The following TMEM182 variants were observed in gnomAD, a reference collection of about 807,000 sequenced individuals.
TMEM182 encodes transmembrane protein 182.
In TMEM182, 20 loss-of-function variants were observed where a neutral mutation model predicts 26.8. The ratio of observed to expected loss-of-function variants is 0.75; its 90% CI spans 0.53 to 1.09. The LOEUF (loss-of-function observed/expected upper bound fraction) is 1.09. Among genes scored for constraint, TMEM182 ranks in the 50% least tolerant of loss-of-function variants. The pLI, the probability that TMEM182 is intolerant of heterozygous loss-of-function variation, is 0.00. For synonymous variants in TMEM182, 109 were observed against 102.2 expected (o/e 1.07, Z -0.40); for missense variants, 277 against 275.5 (o/e 1.01, Z -0.04).
intron 4 of TMEM182, among the ~76,000 whole-genome samples, chr2:102,811,500 A>G (rs1350347462): frequency 1.3e-5 from 2 of 152,330 alleles, no homozygotes; most frequent in East Asian, 3.9e-4. Flanking sequence ...AATTTTATCC[A>G]CTGGATTTAG....
In TMEM182 at chr2:102,797,938, G is replaced by A. The variant is rs768127740; in HGVS notation, c.407G>A (p.Cys136Tyr). 5 of 1,613,956 alleles carry A rather than the reference G, an allele frequency of 3.1e-6. No individual in the cohort carries two copies. Among genetic ancestry groups the A allele is most frequent in the South Asian group, 1.1e-5 (1 of 91,086 alleles). Residue 136 changes from cysteine (C) to tyrosine (Y), a missense_variant, in exon 4 of 5, where the codon TGT (cysteine) becomes TAT (tyrosine). Physicochemically the swap from Cys to Tyr is radical, Grantham distance 194. Coordinates refer to ENST00000412401, the MANE Select transcript of TMEM182 (RefSeq NM_144632.5). Reference protein sequence around the residue: ...AVVIASFLIICAAPFASHFLY... With the variant: ...AVVIASFLIIYAAPFASHFLY... Reference sequence around the variant, plus strand: ...GTCATCGCAAGCTTTTTGATCATCTGTGCAGCCCCCTTCGCCAGCCATTTT... The same window carrying A: ...GTCATCGCAAGCTTTTTGATCATCTATGCAGCCCCCTTCGCCAGCCATTTT...
chr2:102,818,211 A>G (rs2104764345), downstream of TMEM182, among the ~76,000 whole-genome samples: 1 of 152,310 alleles, frequency 6.6e-6, no homozygotes, highest in East Asian at 1.9e-4. Flanking sequence ...ACAGAAAACT[A>G]CATTTTTATT....
At chr2:102,755,586 A>G (rs1680009292) in intron 1 of TMEM182, among the ~76,000 whole-genome samples, 1 of 152,188 alleles carries the variant, frequency 6.6e-6, no homozygotes, top group South Asian at 2.1e-4. Flanking sequence ...TATATGCTTG[A>G]TATTATGAAT....
rs116709911 is a variant in TMEM182, at chr2:102,817,420, A to C, written c.*2452A>C. The C allele has an allele frequency of 4.1e-6, 4 of 985,448 alleles. No homozygotes were observed. In the East Asian group the frequency reaches 4.5e-4, roughly 112 times the overall value. 61.0% of individuals were successfully genotyped at this position (985,448 alleles called of 1,614,324 possible). A position where few individuals can be genotyped will look rare whatever the true frequency, so the allele number is the denominator to read the frequency against. On this transcript the variant is annotated 3_prime_UTR_variant, in exon 5 of 5. Transcript: ENST00000412401. ...TATGCTCTTGGACTTGGTGAAAGCTATCATCTCTCCATATTGTATTTGTTC... is the reference window on the plus strand; with the variant it reads ...TATGCTCTTGGACTTGGTGAAAGCTCTCATCTCTCCATATTGTATTTGTTC...
At chr2:102,838,365 G>A (rs1329271644) in intron 3 of TMEM182, among the ~76,000 whole-genome samples, 1 of 152,186 alleles carries the variant, frequency 6.6e-6, no homozygotes, top group Non-Finnish European at 1.5e-5. Context: ...CACAATGTGT[G>A]TAGCACATAA....
At chr2:102,785,188 T>C (rs1681338870) in intron 3 of TMEM182, among the ~76,000 whole-genome samples, 1 of 152,196 alleles carries the variant, frequency 6.6e-6, no homozygotes, top group African/African-American at 2.4e-5. Flanking sequence ...AGCTTTTCAC[T>C]GTTCTGCACC....
At chr2:102,817,807 T>C (rs1484444832), downstream of TMEM182, 1 of 720,040 alleles carries the variant, frequency 1.4e-6, no homozygotes, top group Non-Finnish European at 1.7e-6. Flanking sequence ...AAGAGATACA[T>C]TGAATGGTAT....
At position 102,814,792 on chromosome 2, in the gene TMEM182, C is replaced by G; in HGVS notation, c.514C>G (p.Gln172Glu). Residue 172 changes from glutamine (Q) to glutamate (E), a missense_variant, in exon 5 of 5, where the codon CAG becomes GAG. Coordinates refer to ENST00000412401, the MANE Select transcript of TMEM182 (RefSeq NM_144632.5). The stretch of plus-strand genomic sequence containing the variant: ...GGTGATGCTGTATGTCATCTGGGTC[C>G]AGGCAGTGGCTGACATGGAAAGCTA... ...LVVMLYVIWV[Q>E]AVADMESYRN... 6.2e-7 allele frequency: 1 copy of G among 1,613,778 alleles called. No homozygotes were observed. Among genetic ancestry groups the G allele is most frequent in the Non-Finnish European group, 8.5e-7 (1 of 1,179,926 alleles).
At chr2:102,832,012 C>A (rs1683159228) in intron 3 of TMEM182, among the ~76,000 whole-genome samples, 1 of 152,182 alleles carries the variant, frequency 6.6e-6, no homozygotes, top group South Asian at 2.1e-4. Context: ...CGCAAGAAGA[C>A]AGTGGGAAAT....
intron 3 of TMEM182, among the ~76,000 whole-genome samples, chr2:102,839,471 A>G (rs1470025459): frequency 7.4e-6 from 1 of 134,878 alleles, no homozygotes; most frequent in African/African-American, 2.8e-5. Context: ...ATATATATAT[A>G]ATATATACAC....
rs1200379156 is a variant in TMEM182 at position 102,816,456 on chromosome 2, T to G, written c.*1488T>G. 6.1e-6 allele frequency: 6 copies of G among 984,824 alleles called. No individual in the cohort carries two copies. In the South Asian group the frequency reaches 2.8e-4, roughly 46 times the overall value. The allele number at this position is 984,824 out of a possible 1,614,324, so 61.0% of individuals were successfully genotyped here. ...AGACTTGTTCCAGTGGGAAGGAGCT[T>G]TGGAAAAATTGCAAAGGTCTGAATC... is the stretch of plus-strand genomic sequence containing the variant. On this transcript the variant is annotated 3_prime_UTR_variant, in exon 5 of 5. Transcript: ENST00000412401.
intron 3 of TMEM182, among the ~76,000 whole-genome samples, chr2:102,786,203 G>A (rs1054990550): frequency 2.8e-5 from 4 of 141,938 alleles, no homozygotes; most frequent in Non-Finnish European, 4.5e-5. Context: ...ATAGCACTCA[G>A]CAATCTGTTT....
intron 1 of TMEM182, among the ~76,000 whole-genome samples, chr2:102,745,460 C>T (rs893683453): frequency 1.7e-4 from 26 of 152,080 alleles, no homozygotes; most frequent in African/African-American, 6.0e-4. Context: ...ACCCTTCTCT[C>T]CCTCTCTTTC....
intron 3 of TMEM182, among the ~76,000 whole-genome samples, chr2:102,777,455 G>T (rs574350848): frequency 1.3e-5 from 2 of 152,172 alleles, no homozygotes; most frequent in South Asian, 4.1e-4. Flanking sequence ...TTATATTTGT[G>T]TAGGTCTCTT....
rs759480151 is a variant in TMEM182, at chr2:102,762,701, G to A, written c.232+15G>A. On this transcript the variant is annotated intron_variant, in intron 2 of 4. Transcript: ENST00000412401. ...GTTCTGGTACAGTAAGTACAATTTA[G>A]CTTTATTTTCCCTCTTGTCTGTAAA... is the stretch of plus-strand genomic sequence containing the variant. 28 of 1,600,326 alleles carry A rather than the reference G, an allele frequency of 1.7e-5. No individual in the cohort carries two copies. The highest frequency in any genetic ancestry group is 3.3e-4 in the Middle Eastern group (2 of 6,020).
chr2:102,830,630 A>G (rs888521679), intron 3 of TMEM182, among the ~76,000 whole-genome samples: 3 of 152,196 alleles, frequency 2.0e-5, no homozygotes, highest in Non-Finnish European at 4.4e-5. Context: ...TGCAATGTGA[A>G]AAGAGCATAT....
chr2:102,796,368 G>T (rs949856538), intron 3 of TMEM182, among the ~76,000 whole-genome samples: 1 of 152,152 alleles, frequency 6.6e-6, no homozygotes, highest in South Asian at 2.1e-4. Context: ...TCGTAGAATG[G>T]ATTTCTTATT....
chr2:102,817,641 G>A lies in TMEM182; in HGVS notation c.*2673G>A. The stretch of plus-strand genomic sequence containing the variant: ...ATCTATAAATATATTTATTAAATTT[G>A]AAGATTAAATGGAATTATAAAGGAA... On this transcript the variant is annotated 3_prime_UTR_variant, in exon 5 of 5. Transcript: ENST00000412401. 2.0e-6 allele frequency: 2 copies of A among 976,342 alleles called. No homozygotes were observed. The highest frequency in any genetic ancestry group is 4.7e-5 in the South Asian group (1 of 21,082). The allele number at this position is 976,342 out of a possible 1,614,324, so 60.5% of individuals were successfully genotyped here.
At position 102,797,869 on chromosome 2, in the gene TMEM182, G is replaced by A. The variant is rs376008407; in HGVS notation, c.338G>A (p.Arg113His). Residue 113 changes from arginine to histidine, a missense_variant, in exon 4 of 5, where the codon CGT (arginine) becomes CAT (histidine). Arg to His is a conservative substitution (Grantham distance 29). Transcript: ENST00000412401. ...TTCCTCCTGGGGTCTCCAGTTTACC[G>A]TGGTTTCTGGGCAGTCCTGATGCTC... is the stretch of plus-strand genomic sequence containing the variant. ...STSYDSAVIYRGFWAVLMLLG... is the reference protein window; with the variant it reads ...STSYDSAVIYHGFWAVLMLLG... 4.3e-5 allele frequency: 69 copies of A among 1,609,040 alleles called. No individual in the cohort carries two copies. The highest frequency in any genetic ancestry group is 3.4e-4 in the Middle Eastern group (2 of 5,940).
Sources: gnomAD v4.1 joint callset for allele counts (sites outside exome capture counted in the v4.1 genomes callset) on GRCh38, gnomAD v4.1.1 for gene constraint, MANE v1.5 for transcripts, NCBI Gene and HGNC (gene_info 2026-07-23, HGNC 2026-07-21) for gene names.